MREG: variants seen among roughly 807,000 people sequenced by gnomAD.
The protein encoded by MREG is melanoregulin, also known as dilute suppressor protein homolog.
A neutral mutation model predicts 28.5 loss-of-function variants in MREG; 31 were observed. The observed-to-expected ratio is 1.09, with a 90% CI of 0.82 to 1.47. The LOEUF (loss-of-function observed/expected upper bound fraction) is 1.47, where lower values mean the gene tolerates loss of function less well. MREG is among the 40% of genes most tolerant of loss of function. MREG has a pLI of 0.00. For missense variants in MREG, 256 were observed against 257.4 expected (o/e 0.99, Z 0.04); for synonymous variants, 106 against 95.2 (o/e 1.11, Z -0.66).
At chr2:216,010,989 G>T in intron 1 of MREG, among the ~76,000 whole-genome samples, 1 of 151,424 alleles carries the variant, frequency 6.6e-6, no homozygotes, top group African/African-American at 2.4e-5. Flanking sequence ...CCAGCTACTC[G>T]GGAGGCTGAG....
chr2:216,021,008 C>G (rs2105930056), intron 1 of MREG, among the ~76,000 whole-genome samples: 1 of 152,360 alleles, frequency 6.6e-6, no homozygotes, highest in East Asian at 1.9e-4. Flanking sequence ...GAGTTTCTCA[C>G]AGAGCGATGA....
chr2:215,966,639 T>C (rs892615688), intron 2 of MREG, among the ~76,000 whole-genome samples: 3 of 150,442 alleles, frequency 2.0e-5, no homozygotes, highest in Non-Finnish European at 4.4e-5. Context: ...TCTCACTCTG[T>C]CATCCTGGCT....
chr2:215,989,027 T>C (rs1693654689), intron 2 of MREG, among the ~76,000 whole-genome samples: 2 of 152,198 alleles, frequency 1.3e-5, no homozygotes, highest in Admixed American at 1.3e-4. Context: ...TCTCCCAGGA[T>C]GGCCCTCAAG....
At chr2:216,010,957 G>A (rs572603224) in intron 1 of MREG, among the ~76,000 whole-genome samples, 37 of 151,748 alleles carry the variant, frequency 2.4e-4, no homozygotes, top group South Asian at 1.9e-3. Flanking sequence ...TTAGCCGGGC[G>A]CAGTGGCCGG....
In MREG at chr2:215,945,738, A is replaced by C; in HGVS notation, c.347-4T>G. On this transcript the variant is annotated splice_polypyrimidine_tract_variant and splice_region_variant and intron_variant, in intron 3 of 4. Coordinates refer to ENST00000263268, the MANE Select transcript of MREG (RefSeq NM_018000.3). ...GAGTCAGCTTCCTTTTGAAAACCTA[A>C]GGTAGAAAAATGGACCACTCATGTA... The C allele has an allele frequency of 6.2e-7, 1 of 1,612,078 alleles. No homozygotes were observed. Among genetic ancestry groups the C allele is most frequent in the Non-Finnish European group, 8.5e-7 (1 of 1,179,008 alleles).
chr2:215,986,221 T>A (rs148388367), intron 2 of MREG, among the ~76,000 whole-genome samples: 4,622 of 152,328 alleles, frequency 0.03, 120 homozygotes, highest in Middle Eastern at 0.054. Flanking sequence ...ATTTTTTAAT[T>A]GAGTTATTTG....
rs563862562 is a variant in MREG, at chr2:215,968,971, C to T, written c.256-21858G>A. 2.0e-5 allele frequency among the ~76,000 whole-genome samples: 3 copies of T among 152,310 alleles called. No individual in the cohort carries two copies. In the East Asian group the frequency reaches 5.8e-4, roughly 29 times the overall value. ...ATGAGGTCTTGCTATGTTGCTCAGA[C>T]TGGTCTCAAACTCCTGAGCTCAAGC... On this transcript the variant is annotated intron_variant, in intron 2 of 4. Coordinates refer to ENST00000263268, the MANE Select transcript of MREG (RefSeq NM_018000.3).
intron 1 of MREG, among the ~76,000 whole-genome samples, chr2:216,000,026 G>A (rs1693974135): frequency 6.6e-6 from 1 of 152,254 alleles, no homozygotes; most frequent in Non-Finnish European, 1.5e-5. Flanking sequence ...GTGGACACCG[G>A]AGAAGTGTCG....
intron 1 of MREG, among the ~76,000 whole-genome samples, chr2:216,024,783 C>T (rs1427569818): frequency 2.0e-5 from 3 of 150,624 alleles, no homozygotes; most frequent in Admixed American, 6.6e-5. Flanking sequence ...CTTGGGAGGC[C>T]GAGGCAGAAG....
chr2:215,960,089 G>A (rs185184550), intron 2 of MREG, among the ~76,000 whole-genome samples: 1 of 152,050 alleles, frequency 6.6e-6, no homozygotes, highest in African/African-American at 2.4e-5. Flanking sequence ...CCGAGTAGTT[G>A]GGACTACAGG....
intron 2 of MREG, among the ~76,000 whole-genome samples, chr2:215,975,197 A>G (rs530080130): frequency 2.6e-5 from 4 of 151,978 alleles, no homozygotes; most frequent in Non-Finnish European, 4.4e-5. Flanking sequence ...CATTATACAT[A>G]CCCATTTAGC....
Position 215,954,450 on chromosome 2 carries a change from A to AC in MREG, c.256-7338dup, listed in dbSNP as rs1184781361. On this transcript the variant is annotated intron_variant, in intron 2 of 4. Coordinates refer to ENST00000263268, the MANE Select transcript of MREG (RefSeq NM_018000.3). The stretch of plus-strand genomic sequence containing the variant: ...ATTGTATTTGATCTGTGTACAACAC[A>AC]CACACACACACACACACACACACAC... 4.7e-5 allele frequency among the ~76,000 whole-genome samples: 7 copies of AC among 150,034 alleles called. No homozygotes were observed. In the South Asian group the frequency reaches 6.5e-4, roughly 14 times the overall value.
chr2:216,026,016 A>G (rs1290605456), intron 1 of MREG, among the ~76,000 whole-genome samples: 5 of 152,186 alleles, frequency 3.3e-5, no homozygotes, highest in Non-Finnish European at 7.3e-5. Flanking sequence ...CACCCACATA[A>G]ACATGATGAA....
intron 4 of MREG, 68 bp downstream of exon 4, chr2:215,945,503 G>A: frequency 6.5e-7 from 1 of 1,547,448 alleles, no homozygotes; most frequent in Non-Finnish European, 8.8e-7. Flanking sequence ...ACGGAGGATA[G>A]TGAATAGTTT....
intron 1 of MREG, among the ~76,000 whole-genome samples, chr2:216,027,757 G>T (rs576752872): frequency 2.0e-5 from 3 of 152,250 alleles, no homozygotes; most frequent in Non-Finnish European, 4.4e-5. Flanking sequence ...GAAACAGAAA[G>T]TGTCAGTTTA....
intron 2 of MREG, among the ~76,000 whole-genome samples, chr2:215,954,471 C>CACACACACACACACAA: frequency 6.6e-6 from 1 of 151,658 alleles, no homozygotes; most frequent in Non-Finnish European, 1.5e-5. Context: ...CACACACACA[C>CACACACACACACACAA]ACACACACAC....
Position 215,971,843 on chromosome 2 carries a change from A to G in MREG, c.255+24463T>C, listed in dbSNP as rs151114581. Among the ~76,000 whole-genome samples, 13 of 152,330 alleles carry G rather than the reference A, an allele frequency of 8.5e-5. No homozygotes were observed. In the South Asian group the frequency reaches 1.2e-3, roughly 15 times the overall value. ...GGGCAGAGGAACAGGTAGAGTGAGT[A>G]TATGAAGGACAGTCTGTGTTTCAAC... On this transcript the variant is annotated intron_variant, in intron 2 of 4. Transcript: ENST00000263268.
At chr2:216,033,488 A>T (rs1384560339), upstream of MREG, among the ~76,000 whole-genome samples, 2 of 152,114 alleles carry the variant, frequency 1.3e-5, no homozygotes, top group Admixed American at 6.6e-5. Context: ...AAGAGCCCTG[A>T]AGGAACTGGC....
At chr2:215,941,064 C>T (rs1692191607), downstream of MREG, among the ~76,000 whole-genome samples, 1 of 152,124 alleles carries the variant, frequency 6.6e-6, no homozygotes, top group South Asian at 2.1e-4. Flanking sequence ...TTTCAATAGT[C>T]CACTTTCATT....
Sources: allele counts gnomAD v4.1 joint callset (sites outside exome capture counted in the v4.1 genomes callset), GRCh38; gene constraint gnomAD v4.1.1; transcripts MANE v1.5; gene names NCBI Gene and HGNC (gene_info 2026-07-23, HGNC 2026-07-21).